Variants in RAB3C observed in about 807,000 individuals in gnomAD.
RAB3C encodes ras-related protein Rab-3C.
Under a neutral mutation model 26.4 loss-of-function variants are expected in RAB3C, and 17 were observed. That is an observed-to-expected ratio of 0.64 (90% CI 0.44 to 0.97). RAB3C has a LOEUF of 0.97. RAB3C is among the 50% of genes least tolerant of loss of function. The pLI, the probability that RAB3C is intolerant of heterozygous loss-of-function variation, is 0.00. For synonymous variants in RAB3C, 91 were observed against 95.9 expected, an observed-to-expected ratio of 0.95 and a Z score of 0.30; for missense variants, 242 against 281.9, an observed-to-expected ratio of 0.86 and a Z score of 1.01.
chr5:58,781,000 T>A (rs1381321838), intron 3 of RAB3C, among the ~76,000 whole-genome samples: 1 of 152,110 alleles, frequency 6.6e-6, no homozygotes, highest in Admixed American at 6.6e-5. Context: ...AGATCCTCTT[T>A]GCTTCTGTCT....
intron 4 of RAB3C, among the ~76,000 whole-genome samples, chr5:58,841,024 C>G (rs938901033): frequency 1.3e-5 from 2 of 152,182 alleles, no homozygotes; most frequent in Non-Finnish European, 2.9e-5. Flanking sequence ...GGGGTATGCC[C>G]ACCAGGGGCA....
At chr5:58,790,636 G>A (rs933126888) in intron 3 of RAB3C, among the ~76,000 whole-genome samples, 2 of 152,108 alleles carry the variant, frequency 1.3e-5, no homozygotes, top group African/African-American at 4.8e-5. Context: ...GACCACTAGA[G>A]CCTACTCTCT....
At chr5:58,629,217 G>C (rs918750135) in intron 2 of RAB3C, among the ~76,000 whole-genome samples, 5 of 151,754 alleles carry the variant, frequency 3.3e-5, no homozygotes, top group African/African-American at 1.2e-4. Context: ...TTACCCATTT[G>C]TATTTATTTA....
chr5:58,629,437 G>C (rs1747142197), intron 2 of RAB3C, among the ~76,000 whole-genome samples: 1 of 152,192 alleles, frequency 6.6e-6, no homozygotes, highest in South Asian at 2.1e-4. Flanking sequence ...CAAAGTGCTA[G>C]GCCATGGAGG....
In RAB3C at chr5:58,700,690, G is replaced by A. The variant is rs532252614; in HGVS notation, c.253-25312G>A. On this transcript the variant is annotated intron_variant, in intron 2 of 4. Transcript: ENST00000282878. ...AACATCATCATTATTTCCCTGTGAA[G>A]TTTTTTAATATGATTATTTGATGCA... Among the ~76,000 whole-genome samples, 13 of 152,246 alleles carry A rather than the reference G, an allele frequency of 8.5e-5. 3 individuals carry two copies. The South Asian group carries it at 2.3e-3, about 27-fold the overall frequency.
chr5:58,813,381 A>G (rs1039537932), intron 3 of RAB3C, among the ~76,000 whole-genome samples: 3 of 152,006 alleles, frequency 2.0e-5, no homozygotes, highest in East Asian at 3.9e-4. Flanking sequence ...CTAACTTAAC[A>G]GGACATTTAG....
At chr5:58,661,676 A>G (rs1747908617) in intron 2 of RAB3C, among the ~76,000 whole-genome samples, 1 of 147,160 alleles carries the variant, frequency 6.8e-6, no homozygotes, top group Admixed American at 6.7e-5. Flanking sequence ...GGGACACTGC[A>G]AGATAGGTCT....
intron 1 of RAB3C, among the ~76,000 whole-genome samples, chr5:58,595,569 T>C (rs906229240): frequency 2.0e-5 from 3 of 152,134 alleles, no homozygotes; most frequent in East Asian, 3.8e-4. Context: ...CGTTTGTTAA[T>C]CCAGTGATTT....
At chr5:58,582,424 C>T, upstream of RAB3C, 2 of 985,298 alleles carry the variant, frequency 2.0e-6, no homozygotes, top group Non-Finnish European at 2.4e-6. Flanking sequence ...GGTAAGCAGG[C>T]GAAAGGAGTT....
chr5:58,728,535 A>T (rs1341863485), intron 3 of RAB3C, among the ~76,000 whole-genome samples: 2 of 152,080 alleles, frequency 1.3e-5, no homozygotes, highest in African/African-American at 4.8e-5. Flanking sequence ...CATCAGAGCT[A>T]CATAAGTGAA....
At chr5:58,715,193 A>T (rs922576940) in intron 2 of RAB3C, among the ~76,000 whole-genome samples, 1 of 151,672 alleles carries the variant, frequency 6.6e-6, no homozygotes, top group Non-Finnish European at 1.5e-5. Context: ...TTCCACAAAA[A>T]CGTATTTAAT....
intron 4 of RAB3C, among the ~76,000 whole-genome samples, chr5:58,830,032 T>A (rs1743577509): frequency 1.3e-5 from 2 of 152,120 alleles, no homozygotes; most frequent in Admixed American, 1.3e-4. Flanking sequence ...CAGGGCTGAG[T>A]GTAACTCAGA....
intron 3 of RAB3C, among the ~76,000 whole-genome samples, chr5:58,807,041 G>A (rs2432066): frequency 0.43 from 65,283 of 152,054 alleles, 15,588 homozygotes; most frequent in Middle Eastern, 0.64. Context: ...TAAGCAACCA[G>A]AATCGCCTGA....
intron 2 of RAB3C, among the ~76,000 whole-genome samples, chr5:58,643,250 T>C (rs1747448296): frequency 1.3e-5 from 2 of 152,108 alleles, no homozygotes; most frequent in South Asian, 4.1e-4. Context: ...ATTGTCCTTT[T>C]AAGCTGAAAG....
At chr5:58,801,882 C>T (rs1742816030) in intron 3 of RAB3C, among the ~76,000 whole-genome samples, 1 of 152,252 alleles carries the variant, frequency 6.6e-6, no homozygotes. Flanking sequence ...CTAGCTATGG[C>T]TCCTTTAGCA....
intron 2 of RAB3C, among the ~76,000 whole-genome samples, chr5:58,685,168 G>A (rs1056362777): frequency 1.3e-5 from 2 of 152,088 alleles, no homozygotes; most frequent in African/African-American, 4.8e-5. Context: ...ATAGGGTTTT[G>A]TACTATCCAT....
chr5:58,787,033 A>G (rs1742405960), intron 3 of RAB3C, among the ~76,000 whole-genome samples: 1 of 152,088 alleles, frequency 6.6e-6, no homozygotes. Context: ...GATGTCTTGG[A>G]AACTAGACTC....
intron 2 of RAB3C, among the ~76,000 whole-genome samples, chr5:58,618,559 G>A (rs1231714576): frequency 6.6e-6 from 1 of 152,114 alleles, no homozygotes; most frequent in East Asian, 1.9e-4. Context: ...AAGATCAGAG[G>A]TAGCTTAGCC....
chr5:58,837,913 T>C (rs1298745530), intron 4 of RAB3C, among the ~76,000 whole-genome samples: 1 of 152,236 alleles, frequency 6.6e-6, no homozygotes, highest in East Asian at 1.9e-4. Flanking sequence ...TTTCCTCTAG[T>C]TCTTCAAATG....
Sources: allele counts gnomAD v4.1 joint callset (sites outside exome capture counted in the v4.1 genomes callset), GRCh38; gene constraint gnomAD v4.1.1; transcripts MANE v1.5; gene names NCBI Gene and HGNC (gene_info 2026-07-23, HGNC 2026-07-21).